The following MIGA1 variants were observed in gnomAD, a reference collection of about 807,000 sequenced individuals.
MIGA1 encodes the protein mitoguardin 1.
In MIGA1, 58 loss-of-function variants were observed where a neutral mutation model predicts 82.0. That is an observed-to-expected ratio of 0.71 (90% confidence interval 0.57 to 0.88). The LOEUF is 0.88. Among genes scored for constraint, MIGA1 ranks in the 40% least tolerant of loss-of-function variants. The probability of loss-of-function intolerance (pLI) is 0.00; values close to 1 mark genes in which losing one functional copy is unlikely to be tolerated. For missense variants in MIGA1, 751 were observed against 749.1 expected (o/e 1.00, Z -0.03); for synonymous variants, 249 against 253.6 (o/e 0.98, Z 0.17).
intron 14 of MIGA1, among the ~76,000 whole-genome samples, chr1:77,869,368 C>T (rs574023974): frequency 0.024 from 3,601 of 148,980 alleles, 49 homozygotes; most frequent in Middle Eastern, 0.066. Flanking sequence ...GGCAACCATC[C>T]GATTTCTCAA....
rs193267426 is a variant in MIGA1, at chr1:77,855,491, C to A, written c.997-3447C>A. 5.0e-3 allele frequency among the ~76,000 whole-genome samples: 766 copies of A among 152,062 alleles called. 6 individuals carry two copies. The highest frequency in any genetic ancestry group is 0.017 in the African/African-American group (717 of 41,466). On this transcript the variant is annotated intron_variant, in intron 8 of 15. Coordinates refer to ENST00000370791, the MANE Select transcript of MIGA1 (RefSeq NM_198549.4). The stretch of plus-strand genomic sequence containing the variant: ...GTAGATTGCTTTTGGCAGTATGGTC[C>A]TTTTCACAATATAGATTCTACCCAT...
At chr1:77,825,761 T>G (rs1684007243) in intron 7 of MIGA1, among the ~76,000 whole-genome samples, 1 of 152,216 alleles carries the variant, frequency 6.6e-6, no homozygotes. Flanking sequence ...ACTTTTTTTT[T>G]GTAACTTCTG....
At chr1:77,843,509 C>A in intron 8 of MIGA1, 102 bp downstream of exon 8, 1 of 849,434 alleles carries the variant, frequency 1.2e-6, no homozygotes, top group Non-Finnish European at 1.9e-6. Flanking sequence ...ATTTATTTAG[C>A]ACGTACCATG....
rs1684884238 is a variant in MIGA1, at chr1:77,847,397, A to G, written c.996+3990A>G. ...ACAATACTAAATTGCTTTTGGGGAA[A>G]GACTGAAAGCCCAAGTATATTCACA... is the stretch of plus-strand genomic sequence containing the variant. On this transcript the variant is annotated intron_variant, in intron 8 of 15. Transcript: ENST00000370791. 3 of 1,257,312 alleles carry G rather than the reference A, an allele frequency of 2.4e-6. No homozygotes were observed. The South Asian group carries it at 3.6e-5, about 15-fold the overall frequency. The allele number at this position is 1,257,312 out of a possible 1,614,324, so 77.9% of individuals were successfully genotyped here.
chr1:77,801,861 T>C (rs1469630223), intron 3 of MIGA1, among the ~76,000 whole-genome samples: 3 of 152,202 alleles, frequency 2.0e-5, no homozygotes, highest in African/African-American at 7.2e-5. Flanking sequence ...TTTAAGATAT[T>C]TGACAGTGTG....
Position 77,873,687 on chromosome 1 carries a change from G to A in MIGA1, c.1680+567G>A, listed in dbSNP as rs140894258. Among the ~76,000 whole-genome samples the A allele has an allele frequency of 5.9e-3, 895 of 152,230 alleles. 7 individuals are homozygous for A. Among genetic ancestry groups the A allele is most frequent in the South Asian group, 0.011 (54 of 4,822 alleles). On this transcript the variant is annotated intron_variant, in intron 15 of 15. Coordinates refer to ENST00000370791, the MANE Select transcript of MIGA1 (RefSeq NM_198549.4). ...CTGGCAAAGTGACAAGGAAAGTCTC[G>A]CTATGTAATAGTCTTGAGTTTAGGC...
At chr1:77,856,131 T>C (rs566193892) in intron 8 of MIGA1, among the ~76,000 whole-genome samples, 1 of 152,352 alleles carries the variant, frequency 6.6e-6, no homozygotes, top group East Asian at 1.9e-4. Context: ...AAATGCTTTT[T>C]CTGCATCTAT....
chr1:77,796,938 C>T lies in MIGA1; in HGVS notation c.196-4393C>T, dbSNP rs77602010. On this transcript the variant is annotated intron_variant, in intron 2 of 15. Transcript: ENST00000370791. ...AACAGTTCTTCATCCCCAGAGTTCC[C>T]GTGTGCTGCCCCTTTGTGGTCACCT... 6.6e-3 allele frequency among the ~76,000 whole-genome samples: 1,005 copies of T among 152,280 alleles called. 9 individuals are homozygous for T. Among genetic ancestry groups the T allele is most frequent in the African/African-American group, 0.021 (890 of 41,558 alleles).
chr1:77,809,754 GT>G (rs55741013), intron 5 of MIGA1, among the ~76,000 whole-genome samples: 76,220 of 136,010 alleles, frequency 0.56, 20,422 homozygotes, highest in Admixed American at 0.63. Flanking sequence ...GTGCATAAAT[GT>G]TTTTTTTTTT....
chr1:77,797,903 C>A (rs985444724), intron 2 of MIGA1, among the ~76,000 whole-genome samples: 1 of 152,116 alleles, frequency 6.6e-6, no homozygotes, highest in African/African-American at 2.4e-5. Flanking sequence ...AATAGTTTTA[C>A]TTCTTCCTTT....
intron 12 of MIGA1, chr1:77,861,611 C>T: frequency 3.0e-6 from 1 of 336,692 alleles, no homozygotes; most frequent in South Asian, 3.6e-5. Context: ...ATTGGCAGGC[C>T]CCTAGCAGGA....
At chr1:77,840,290 C>T (rs551074365) in intron 7 of MIGA1, among the ~76,000 whole-genome samples, 4 of 152,154 alleles carry the variant, frequency 2.6e-5, no homozygotes, top group African/African-American at 9.6e-5. Context: ...TGGAAGTGAG[C>T]CATTTTTCTT....
At chr1:77,848,072 C>A in intron 8 of MIGA1, 1 of 1,292,880 alleles carries the variant, frequency 7.7e-7, no homozygotes, top group Non-Finnish European at 1.1e-6. Flanking sequence ...CGAGAGGACA[C>A]GAGAAAAGGG....
At chr1:77,847,398 G>A (rs1188460992) in intron 8 of MIGA1, 4 of 1,270,620 alleles carry the variant, frequency 3.1e-6, no homozygotes, top group South Asian at 1.2e-5. Context: ...TTTGGGGAAA[G>A]ACTGAAAGCC....
At chr1:77,866,257 C>A in intron 13 of MIGA1, 81 bp from the exon 14 acceptor site, 1 of 1,303,486 alleles carries the variant, frequency 7.7e-7, no homozygotes, top group Non-Finnish European at 1.1e-6. Context: ...CGTTTTAGAC[C>A]CATAAACTTT....
intron 5 of MIGA1, among the ~76,000 whole-genome samples, chr1:77,809,929 AT>A (rs1461284967): frequency 4.6e-5 from 7 of 151,794 alleles, no homozygotes; most frequent in African/African-American, 7.3e-5. Flanking sequence ...ATCTTTCCAG[AT>A]TTTGCATACT....
chr1:77,825,335 G>A (rs956215673), intron 7 of MIGA1, among the ~76,000 whole-genome samples: 2 of 152,178 alleles, frequency 1.3e-5, no homozygotes, highest in African/African-American at 4.8e-5. Flanking sequence ...GAATATAGGA[G>A]TTGTGCAATC....
chr1:77,872,187 C>T (rs913796476), intron 14 of MIGA1, among the ~76,000 whole-genome samples: 2 of 151,890 alleles, frequency 1.3e-5, no homozygotes, highest in Admixed American at 6.6e-5. Context: ...AGGCTGGTCT[C>T]GAACTCCTAA....
chr1:77,867,120 A>T (rs2101962124), intron 14 of MIGA1, among the ~76,000 whole-genome samples: 1 of 152,192 alleles, frequency 6.6e-6, no homozygotes, highest in African/African-American at 2.4e-5. Flanking sequence ...TCCTGCCTTC[A>T]CGCCTCACAC....
Sources: allele counts gnomAD v4.1 joint callset (sites outside exome capture counted in the v4.1 genomes callset), GRCh38; gene constraint gnomAD v4.1.1; transcripts MANE v1.5; gene names NCBI Gene and HGNC (gene_info 2026-07-23, HGNC 2026-07-21).